CLVS1: variants seen among roughly 807,000 people sequenced by gnomAD.
CLVS1 encodes clavesin-1.
CLVS1 carries 10 observed loss-of-function variants against 33.1 expected under a neutral mutation model. That is an observed-to-expected ratio of 0.30 (90% CI 0.19 to 0.51). CLVS1 has a LOEUF of 0.51. Among genes scored for constraint, CLVS1 ranks in the 20% least tolerant of loss-of-function variants. The pLI is 0.97. For synonymous variants in CLVS1, 163 were observed against 166.1 expected (o/e 0.98, Z 0.14); for missense variants, 343 against 433.4 (o/e 0.79, Z 1.85).
At chr8:61,042,734 T>C in the CLVS1 span, among the ~76,000 whole-genome samples, 1 of 152,202 alleles carries the variant, frequency 6.6e-6, no homozygotes, top group Non-Finnish European at 1.5e-5. Flanking sequence ...GTTATTACTT[T>C]ATAAATATGG....
intron 2 of CLVS1, among the ~76,000 whole-genome samples, chr8:61,250,573 T>G (rs1416566232): frequency 6.6e-6 from 1 of 152,224 alleles, no homozygotes; most frequent in African/African-American, 2.4e-5. Context: ...TCCATTTGTT[T>G]GTGTCCTTTC....
intron 2 of CLVS1, among the ~76,000 whole-genome samples, chr8:61,355,479 A>G: frequency 6.6e-6 from 1 of 152,020 alleles, no homozygotes; most frequent in East Asian, 1.9e-4. Flanking sequence ...TTAGTTACAT[A>G]TGTATACATG....
In CLVS1 at chr8:61,227,454, T is replaced by C. The variant is rs12678180; in HGVS notation, c.-151-72223T>C. 4.5e-3 allele frequency among the ~76,000 whole-genome samples: 689 copies of C among 152,306 alleles called. 25 individuals are homozygous for C. In the East Asian group the frequency reaches 0.053, roughly 12 times the overall value. On this transcript the variant is annotated intron_variant, in intron 2 of 2. Coordinates refer to the CLVS1 transcript ENST00000522621. Reference sequence around the variant, plus strand: ...TTACATTTTCATGAGAACTTGCTGCTATTTGCCTCATTATAAGCATTTTGT... The same window carrying C: ...TTACATTTTCATGAGAACTTGCTGCCATTTGCCTCATTATAAGCATTTTGT...
intron 2 of CLVS1, among the ~76,000 whole-genome samples, chr8:61,334,568 C>A (rs559340591): frequency 1.3e-5 from 2 of 152,158 alleles, no homozygotes; most frequent in Non-Finnish European, 2.9e-5. Flanking sequence ...TATGAGTAAG[C>A]AAGACAGCTA....
intron 1 of CLVS1, among the ~76,000 whole-genome samples, chr8:61,103,274 C>A (rs1585612271): frequency 6.6e-6 from 1 of 152,158 alleles, no homozygotes; most frequent in East Asian, 1.9e-4. Flanking sequence ...AGTGAAAAGG[C>A]AACCAACCAT....
At chr8:61,164,708 C>CA (rs1485103817) in intron 2 of CLVS1, among the ~76,000 whole-genome samples, 1 of 152,184 alleles carries the variant, frequency 6.6e-6, no homozygotes, top group Non-Finnish European at 1.5e-5. Context: ...CTTCTCCCCC[C>CA]ACACACGAGG....
At chr8:61,309,570 A>G (rs1292474588) in intron 2 of CLVS1, among the ~76,000 whole-genome samples, 1 of 152,164 alleles carries the variant, frequency 6.6e-6, no homozygotes, top group Non-Finnish European at 1.5e-5. Flanking sequence ...AACACCCCAA[A>G]TCTGTTTGTT....
intron 5 of CLVS1, among the ~76,000 whole-genome samples, chr8:61,488,270 C>T (rs141323724): frequency 9.9e-5 from 15 of 152,270 alleles, no homozygotes; most frequent in Non-Finnish European, 1.8e-4. Context: ...AATTTTGAAA[C>T]TCTAAGGCTT....
intron 2 of CLVS1, among the ~76,000 whole-genome samples, chr8:61,349,794 G>A (rs4033338): frequency 6.6e-6 from 1 of 152,082 alleles, no homozygotes; most frequent in Non-Finnish European, 1.5e-5. Context: ...ATAAATGGAA[G>A]TTTCACACAG....
At chr8:61,477,409 C>A (rs146009651) in intron 5 of CLVS1, among the ~76,000 whole-genome samples, 1,593 of 152,160 alleles carry the variant, frequency 0.01, 28 homozygotes, top group African/African-American at 0.036. Flanking sequence ...GTAGAATTGA[C>A]CTGTGAATCC....
chr8:61,331,335 G>A (rs979289402), intron 2 of CLVS1, among the ~76,000 whole-genome samples: 1 of 151,794 alleles, frequency 6.6e-6, no homozygotes, highest in Non-Finnish European at 1.5e-5. Flanking sequence ...TTTGGTCTGG[G>A]TCTTTTTTAT....
chr8:61,434,079 T>A (rs1182666556), intron 3 of CLVS1, among the ~76,000 whole-genome samples: 3 of 152,160 alleles, frequency 2.0e-5, no homozygotes, highest in Middle Eastern at 3.2e-3. Context: ...GAAGCTGAAG[T>A]AAACAGAAGT....
the CLVS1 span, among the ~76,000 whole-genome samples, chr8:60,985,133 A>G: frequency 6.6e-6 from 1 of 152,194 alleles, no homozygotes; most frequent in African/African-American, 2.4e-5. Flanking sequence ...TTCTCTCAGA[A>G]AGTCAATTAA....
intron 2 of CLVS1, among the ~76,000 whole-genome samples, chr8:61,318,603 G>A (rs1442107282): frequency 1.3e-5 from 2 of 151,936 alleles, no homozygotes; most frequent in African/African-American, 4.8e-5. Context: ...TTTGTCTGTT[G>A]CCAGAACTTC....
chr8:60,981,483 C>A, the CLVS1 span, among the ~76,000 whole-genome samples: 1 of 152,334 alleles, frequency 6.6e-6, no homozygotes, highest in Non-Finnish European at 1.5e-5. Flanking sequence ...GAGTGGCCTG[C>A]AGGAAGAAAC....
chr8:61,294,178 G>C (rs758232249), intron 1 of CLVS1, among the ~76,000 whole-genome samples: 2 of 152,082 alleles, frequency 1.3e-5, no homozygotes, highest in Non-Finnish European at 2.9e-5. Flanking sequence ...GAGGGCACCG[G>C]TACTCAGAGT....
At chr8:61,259,898 C>T (rs574780226) in intron 2 of CLVS1, among the ~76,000 whole-genome samples, 4 of 152,326 alleles carry the variant, frequency 2.6e-5, no homozygotes, top group African/African-American at 7.2e-5. Context: ...GCTGCCGCAC[C>T]AGGCTTGCAG....
intron 3 of CLVS1, among the ~76,000 whole-genome samples, chr8:61,449,616 A>C (rs566295723): frequency 6.6e-6 from 1 of 152,302 alleles, no homozygotes; most frequent in African/African-American, 2.4e-5. Flanking sequence ...ATTTTGCTAG[A>C]CTGCCTGTTA....
chr8:60,985,812 A>G, the CLVS1 span, among the ~76,000 whole-genome samples: 1 of 152,006 alleles, frequency 6.6e-6, no homozygotes, highest in Non-Finnish European at 1.5e-5. Context: ...GAAAAAAAAA[A>G]AAAAAAAGCC....
Sources: allele counts gnomAD v4.1 joint callset (sites outside exome capture counted in the v4.1 genomes callset), GRCh38; gene constraint gnomAD v4.1.1; transcripts MANE v1.5; gene names NCBI Gene and HGNC (gene_info 2026-07-23, HGNC 2026-07-21).